DNM1L: variants seen among roughly 807,000 people sequenced by gnomAD.
DNM1L encodes dynamin 1L.
A neutral mutation model predicts 92.8 loss-of-function variants in DNM1L; 33 were observed. The ratio of observed to expected loss-of-function variants is 0.36; its 90% CI spans 0.27 to 0.48. The LOEUF (loss-of-function observed/expected upper bound fraction) is 0.48. Ranked by LOEUF, DNM1L falls within the 20% of genes least tolerant of loss-of-function variation. The probability of loss-of-function intolerance (pLI) is 0.99; values close to 1 mark genes in which losing one functional copy is unlikely to be tolerated. For missense variants in DNM1L, 485 were observed against 888.8 expected (o/e 0.55, Z 5.78); for synonymous variants, 284 against 305.0 (o/e 0.93, Z 0.72).
rs369940449 is a variant in DNM1L at position 32,733,690 on chromosome 12, A to G, written c.1447-25A>G. 7.6e-6 allele frequency: 12 copies of G among 1,587,476 alleles called. No individual in the cohort carries two copies. The Admixed American group carries it at 1.0e-4, about 13-fold the overall frequency. ...AAATATGGTTGATGTATTTTTGTAT[A>G]TCGCCTAACTTACTTTTTTTCTAGG... On this transcript the variant is annotated intron_variant, in intron 12 of 19. Transcript: ENST00000549701.
chr12:32,705,764 AG>A, intron 2 of DNM1L: 2 of 1,450,710 alleles, frequency 1.4e-6, no homozygotes, highest in Middle Eastern at 1.8e-4. Flanking sequence ...ATTTTTAATA[AG>A]GTTTAAAATT....
intron 5 of DNM1L, chr12:32,711,328 C>G (rs1193937609): frequency 3.3e-6 from 1 of 305,804 alleles, no homozygotes; most frequent in Non-Finnish European, 6.2e-6. Flanking sequence ...GTACACTTTC[C>G]CTTTGATGAT....
Position 32,686,436 on chromosome 12 carries a change from C to T in DNM1L, c.102+6971C>T, listed in dbSNP as rs117091342. On this transcript the variant is annotated intron_variant, in intron 1 of 19. Transcript: ENST00000549701. ...GTCTAGGTCCAAAACAATTTCATCACGAAAGAAAACTACTATTGAGCTGTC... is the reference window on the plus strand; with the variant it reads ...GTCTAGGTCCAAAACAATTTCATCATGAAAGAAAACTACTATTGAGCTGTC... 7.1e-3 allele frequency among the ~76,000 whole-genome samples: 890 copies of T among 125,122 alleles called. 2 individuals carry two copies. The highest frequency in any genetic ancestry group is 0.01 in the African/African-American group (247 of 23,678). 82.1% of individuals were successfully genotyped at this position (125,122 alleles called of 152,430 possible). A position where few individuals can be genotyped will look rare whatever the true frequency, so the allele number is the denominator to read the frequency against.
At chr12:32,717,885 TTATA>T (rs1306849684) in intron 6 of DNM1L, among the ~76,000 whole-genome samples, 4 of 107,756 alleles carry the variant, frequency 3.7e-5, no homozygotes, top group South Asian at 2.4e-4. Context: ...CTATATATAT[TTATA>T]TATACTATAT....
intron 4 of DNM1L, among the ~76,000 whole-genome samples, chr12:32,708,462 T>C (rs927682865): frequency 8.5e-5 from 13 of 152,182 alleles, no homozygotes; most frequent in Non-Finnish European, 1.8e-4. Context: ...ATAAATCAAA[T>C]ATTTTATTTA....
At chr12:32,739,895 G>A (rs2137586292) in intron 16 of DNM1L, 169 bp from the exon 17 acceptor site, 2 of 775,576 alleles carry the variant, frequency 2.6e-6, no homozygotes, top group Middle Eastern at 3.7e-4. Context: ...GATAGGTCAG[G>A]GTTCCAGTTA....
intron 9 of DNM1L, among the ~76,000 whole-genome samples, chr12:32,730,327 G>A (rs1954468656): frequency 1.3e-5 from 2 of 152,330 alleles, no homozygotes; most frequent in South Asian, 2.1e-4. Context: ...GCGCACCACT[G>A]CACTCCAGCC....
At position 32,684,477 on chromosome 12, in the gene DNM1L, C is replaced by CTTTT. The variant is rs768276200; in HGVS notation, c.102+5020_102+5023dup. ...CAGGCATCTGTTGCTCAACATAATT[C>CTTTT]TTTTTTTTTTTCTTTTTTGAGACAG... On this transcript the variant is annotated intron_variant, in intron 1 of 19. Transcript: ENST00000549701. 6.9e-4 allele frequency among the ~76,000 whole-genome samples: 101 copies of CTTTT among 146,120 alleles called. No homozygotes were observed. The Middle Eastern group carries it at 0.011, about 16-fold the overall frequency.
At chr12:32,715,056 C>A (rs1592616342) in intron 6 of DNM1L, among the ~76,000 whole-genome samples, 1 of 151,926 alleles carries the variant, frequency 6.6e-6, no homozygotes. Flanking sequence ...TTAAACTGAC[C>A]CTTGAGCCAT....
intron 17 of DNM1L, 23 bp downstream of exon 17, chr12:32,740,263 A>AGGT: frequency 6.2e-7 from 1 of 1,614,214 alleles, no homozygotes; most frequent in Non-Finnish European, 8.5e-7. Context: ...AATTTGGTTT[A>AGGT]GGTAATAAGG....
At chr12:32,739,990 C>T in intron 16 of DNM1L, 74 bp from the exon 17 acceptor site, 1 of 1,594,186 alleles carries the variant, frequency 6.3e-7, no homozygotes, top group Non-Finnish European at 8.6e-7. Flanking sequence ...TGACTACTGT[C>T]AAATAAAATG....
At chr12:32,734,493 T>C (rs76180090) in intron 13 of DNM1L, among the ~76,000 whole-genome samples, 1,893 of 152,308 alleles carry the variant, frequency 0.012, 36 homozygotes, top group African/African-American at 0.035. Flanking sequence ...TCCTGTGTTA[T>C]TGACTTCAAC....
chr12:32,742,342 A>G (rs1359533630), intron 18 of DNM1L, among the ~76,000 whole-genome samples: 2 of 152,116 alleles, frequency 1.3e-5, no homozygotes, highest in Non-Finnish European at 2.9e-5. Context: ...GGCCTCAAGC[A>G]GTCCACCCGC....
chr12:32,717,959 G>C (rs887249799), intron 6 of DNM1L, among the ~76,000 whole-genome samples: 3 of 98,658 alleles, frequency 3.0e-5, no homozygotes, highest in East Asian at 2.4e-4. Context: ...AGTATATATA[G>C]TATATATATT....
intron 1 of DNM1L, among the ~76,000 whole-genome samples, chr12:32,687,599 C>T (rs1000943605): frequency 2.0e-5 from 3 of 151,994 alleles, no homozygotes; most frequent in East Asian, 1.9e-4. Context: ...CCTGCCATCA[C>T]GCCGGGCTAT....
chr12:32,679,658 C>T, intron 1 of DNM1L, 193 bp downstream of exon 1: 21 of 1,290,040 alleles, frequency 1.6e-5, no homozygotes, highest in Non-Finnish European at 2.0e-5. Context: ...AGCGTTGCAT[C>T]AAGGCGGAGA....
At chr12:32,690,697 G>A (rs372588753) in intron 1 of DNM1L, among the ~76,000 whole-genome samples, 47 of 152,264 alleles carry the variant, frequency 3.1e-4, no homozygotes, top group African/African-American at 1.1e-3. Context: ...ATCTCATAGA[G>A]TTGTTAGACT....
intron 9 of DNM1L, 57 bp from the exon 10 acceptor site, chr12:32,730,957 T>G: frequency 6.2e-7 from 1 of 1,610,154 alleles, no homozygotes; most frequent in East Asian, 2.2e-5. Flanking sequence ...GACTTCTAAC[T>G]TGTATCTTCT....
In DNM1L at chr12:32,708,289, C is replaced by T. The variant is rs1441343454; in HGVS notation, c.369+65C>T. On this transcript the variant is annotated intron_variant, in intron 4 of 19. Transcript: ENST00000549701. ...AAATATATAATTGAGGTATTCTGTACATAATATGTGAAGGGCATTGTAAAT... is the reference window on the plus strand; with the variant it reads ...AAATATATAATTGAGGTATTCTGTATATAATATGTGAAGGGCATTGTAAAT... The T allele has an allele frequency of 1.1e-5, 12 of 1,065,708 alleles. No individual in the cohort carries two copies. In the East Asian group the frequency reaches 1.9e-4, roughly 17 times the overall value. 66.0% of individuals were successfully genotyped at this position (1,065,708 alleles called of 1,614,324 possible).
Sources: allele counts gnomAD v4.1 joint callset (sites outside exome capture counted in the v4.1 genomes callset), GRCh38; gene constraint gnomAD v4.1.1; transcripts MANE v1.5; gene names NCBI Gene and HGNC (gene_info 2026-07-23, HGNC 2026-07-21).